PLPP1: variants seen among roughly 807,000 people sequenced by gnomAD.
PLPP1 encodes lipid phosphate phosphohydrolase 1a.
A neutral mutation model predicts 31.2 loss-of-function variants in PLPP1; 24 were observed. The observed-to-expected ratio is 0.77, with a 90% CI of 0.56 to 1.08. The LOEUF is 1.08. Ranked by LOEUF, PLPP1 falls within the 50% of genes least tolerant of loss-of-function variation. The pLI is 0.00. For missense variants in PLPP1, 319 were observed against 342.7 expected (o/e 0.93, Z 0.55); for synonymous variants, 146 against 126.3 (o/e 1.16, Z -1.05).
chr5:55,438,631 G>A (rs562488881), intron 4 of PLPP1, among the ~76,000 whole-genome samples: 11 of 152,290 alleles, frequency 7.2e-5, no homozygotes, highest in South Asian at 4.1e-4. Flanking sequence ...GCCAGGCGCG[G>A]TGGCTCACGC....
chr5:55,480,493 G>A (rs1752647228), intron 1 of PLPP1, among the ~76,000 whole-genome samples: 2 of 151,168 alleles, frequency 1.3e-5, no homozygotes, highest in East Asian at 3.9e-4. Context: ...TCTGCTATCT[G>A]TCTCTACACA....
At chr5:55,528,124 C>T (rs568994453) in intron 1 of PLPP1, among the ~76,000 whole-genome samples, 20 of 152,218 alleles carry the variant, frequency 1.3e-4, no homozygotes, top group Admixed American at 5.2e-4. Context: ...TCAGTTCCAG[C>T]TAAATCTTCT....
At chr5:55,500,468 A>AT (rs1280849116) in intron 1 of PLPP1, among the ~76,000 whole-genome samples, 1 of 151,966 alleles carries the variant, frequency 6.6e-6, no homozygotes, top group South Asian at 2.1e-4. Context: ...CAGAGATGGT[A>AT]TTTTTTTTAA....
At chr5:55,467,833 A>G (rs941433386) in intron 3 of PLPP1, 36 bp downstream of exon 3, 4 of 1,560,720 alleles carry the variant, frequency 2.6e-6, no homozygotes, top group Admixed American at 1.9e-5. Context: ...CCAAGAATAT[A>G]CAAGATTAAA....
chr5:55,489,910 T>C (rs115545643), intron 1 of PLPP1, among the ~76,000 whole-genome samples: 2,127 of 152,218 alleles, frequency 0.014, 51 homozygotes, highest in African/African-American at 0.048. Context: ...ATCTTCACCT[T>C]GCTCCTTCCC....
intron 1 of PLPP1, among the ~76,000 whole-genome samples, chr5:55,478,484 T>C (rs1339645980): frequency 6.6e-6 from 1 of 152,098 alleles, no homozygotes; most frequent in African/African-American, 2.4e-5. Flanking sequence ...GATAAGCCAG[T>C]AGTTATGAGA....
rs755541618 is a variant in PLPP1 at position 55,425,167 on chromosome 5, A to AG, written c.*38dup. The stretch of plus-strand genomic sequence containing the variant: ...TGCCTTGTGGCAATCATTTTCCTTT[A>AG]GAAAACAGGCCAGCTTCACCTGGGC... On this transcript the variant is annotated 3_prime_UTR_variant, in exon 6 of 6. Coordinates refer to ENST00000307259, the MANE Select transcript of PLPP1 (RefSeq NM_003711.4). 2 of 1,588,580 alleles carry AG rather than the reference A, an allele frequency of 1.3e-6. No homozygotes were observed. Among genetic ancestry groups the AG allele is most frequent in the Non-Finnish European group, 1.7e-6 (2 of 1,171,388 alleles).
chr5:55,506,634 GA>G (rs1753285465), intron 1 of PLPP1, among the ~76,000 whole-genome samples: 1 of 152,126 alleles, frequency 6.6e-6, no homozygotes, highest in Admixed American at 6.6e-5. Context: ...TCTAGGAGCT[GA>G]TTTTTTACCA....
chr5:55,442,182 CAGA>C (rs1373066384), intron 3 of PLPP1, among the ~76,000 whole-genome samples: 3 of 152,150 alleles, frequency 2.0e-5, no homozygotes, highest in Non-Finnish European at 4.4e-5. Context: ...TCTAAGATGT[CAGA>C]AGAATGATAC....
rs377463844 is a variant in PLPP1, at chr5:55,451,023, G to C, written c.492-9115C>G. 3.9e-5 allele frequency among the ~76,000 whole-genome samples: 6 copies of C among 152,286 alleles called. No individual in the cohort carries two copies. In the East Asian group the frequency reaches 1.2e-3, roughly 29 times the overall value. On this transcript the variant is annotated intron_variant, in intron 3 of 5. Transcript: ENST00000307259. ...TCTACTCTAAGCCCTCACTCCAAAA[G>C]ACAACACCAAGGCCAAGAACATCTA...
intron 1 of PLPP1, among the ~76,000 whole-genome samples, chr5:55,525,853 C>T (rs1206009326): frequency 6.6e-6 from 1 of 151,336 alleles, no homozygotes; most frequent in South Asian, 2.1e-4. Context: ...CTCTGGATGG[C>T]AAATGCTTTT....
At chr5:55,483,690 A>C (rs533111695) in intron 1 of PLPP1, among the ~76,000 whole-genome samples, 1 of 138,154 alleles carries the variant, frequency 7.2e-6, no homozygotes, top group Admixed American at 7.4e-5. Context: ...AAAAAAAACT[A>C]CATTATTAGA....
intron 1 of PLPP1, chr5:55,491,169 G>C: frequency 6.4e-7 from 1 of 1,559,850 alleles, no homozygotes; most frequent in Non-Finnish European, 8.7e-7. Context: ...CACTTCATTA[G>C]GAAGTAAAGT....
At chr5:55,529,811 TA>T (rs1374423726) in intron 1 of PLPP1, among the ~76,000 whole-genome samples, 1 of 152,108 alleles carries the variant, frequency 6.6e-6, no homozygotes, top group Non-Finnish European at 1.5e-5. Flanking sequence ...ATGTGTACAA[TA>T]ATAAAGTAAA....
chr5:55,452,807 C>T (rs1382766235), intron 3 of PLPP1, among the ~76,000 whole-genome samples: 1 of 152,190 alleles, frequency 6.6e-6, no homozygotes, highest in Non-Finnish European at 1.5e-5. Context: ...ACATCAAAAG[C>T]TGGGCAGGCT....
intron 1 of PLPP1, among the ~76,000 whole-genome samples, chr5:55,492,963 G>A (rs1752926216): frequency 6.6e-6 from 1 of 152,028 alleles, no homozygotes; most frequent in African/African-American, 2.4e-5. Context: ...TTGGGAGAAG[G>A]GGAACCTGTC....
chr5:55,476,459 G>A (rs577705253), intron 1 of PLPP1, among the ~76,000 whole-genome samples: 2 of 152,218 alleles, frequency 1.3e-5, no homozygotes, highest in South Asian at 4.2e-4. Flanking sequence ...TTGCCTAAAT[G>A]TGAACTTCAA....
Position 55,518,066 on chromosome 5 carries a change from C to G in PLPP1, c.58+16506G>C, listed in dbSNP as rs112526584. On this transcript the variant is annotated intron_variant, in intron 1 of 5. Transcript: ENST00000307259. ...TCACCATGTTGGTCAGACTACTGAT[C>G]TCGTGATCCGCCTGCCTCGGCCTCC... Among the ~76,000 whole-genome samples the G allele has an allele frequency of 5.1e-3, 769 of 152,244 alleles. 3 individuals are homozygous for G. The highest frequency in any genetic ancestry group is 0.018 in the African/African-American group (741 of 41,534).
chr5:55,434,145 A>C (rs971240811), intron 4 of PLPP1, among the ~76,000 whole-genome samples: 1 of 151,750 alleles, frequency 6.6e-6, no homozygotes, highest in African/African-American at 2.4e-5. Context: ...AAAAAAAAAA[A>C]AAAAGAGCAA....
Sources: allele counts gnomAD v4.1 joint callset (sites outside exome capture counted in the v4.1 genomes callset), GRCh38; gene constraint gnomAD v4.1.1; transcripts MANE v1.5; gene names NCBI Gene and HGNC (gene_info 2026-07-23, HGNC 2026-07-21).